Variants in CDK12 observed in about 807,000 individuals in gnomAD.
CDK12 encodes cyclin-dependent kinase 12.
In CDK12, 17 loss-of-function variants were observed where a neutral mutation model predicts 133.8. The observed-to-expected ratio is 0.13, with a 90% CI of 0.09 to 0.19. CDK12 has a LOEUF of 0.19. Among genes scored for constraint, CDK12 ranks in the 10% least tolerant of loss-of-function variants. The probability of loss-of-function intolerance (pLI) is 1.00; values close to 1 mark genes in which losing one functional copy is unlikely to be tolerated. For missense variants in CDK12, 1,508 were observed against 1,818.7 expected (o/e 0.83, Z 3.11); for synonymous variants, 694 against 683.6 (o/e 1.02, Z -0.24).
chr17:39,496,472 G>A (rs1188366691), intron 5 of CDK12, among the ~76,000 whole-genome samples: 1 of 152,092 alleles, frequency 6.6e-6, no homozygotes, highest in Admixed American at 6.6e-5. Context: ...GGCCGAGTCA[G>A]GTTGATCACC....
chr17:39,548,464 G>A (rs1254668286), upstream of CDK12, among the ~76,000 whole-genome samples: 39 of 152,322 alleles, frequency 2.6e-4, no homozygotes, highest in Admixed American at 2.5e-3. Flanking sequence ...CCAGATGGTG[G>A]AGGTGCCTGT....
intron 11 of CDK12, 93 bp from the exon 12 acceptor site, chr17:39,524,581 C>G (rs1307441756): frequency 4.6e-6 from 5 of 1,085,096 alleles, no homozygotes; most frequent in Non-Finnish European, 5.4e-6. Context: ...ACATTTCCCA[C>G]AGTCTTTGCC....
chr17:39,489,828 T>TG (rs1194242352), intron 2 of CDK12, among the ~76,000 whole-genome samples: 1 of 145,314 alleles, frequency 6.9e-6, no homozygotes, highest in Admixed American at 6.9e-5. Flanking sequence ...TTTGTAGTGA[T>TG]GGAGTCTCAC....
At chr17:39,473,497 T>G (rs974102569) in intron 2 of CDK12, among the ~76,000 whole-genome samples, 1 of 152,082 alleles carries the variant, frequency 6.6e-6, no homozygotes, top group African/African-American at 2.4e-5. Flanking sequence ...ATTTCAGCAC[T>G]CTGGAAAGCC....
At chr17:39,485,138 C>G (rs1427493104) in intron 2 of CDK12, among the ~76,000 whole-genome samples, 1 of 148,558 alleles carries the variant, frequency 6.7e-6, no homozygotes, top group Non-Finnish European at 1.5e-5. Flanking sequence ...CCACTGCAGT[C>G]CAGCCTGGGC....
chr17:39,516,982 G>C (rs1312091882), intron 9 of CDK12, among the ~76,000 whole-genome samples: 1 of 152,044 alleles, frequency 6.6e-6, no homozygotes, highest in East Asian at 1.9e-4. Flanking sequence ...ATTTTTTAAA[G>C]GTGATAAAGG....
chr17:39,465,443 A>G (rs897044402), intron 1 of CDK12, among the ~76,000 whole-genome samples: 1 of 150,966 alleles, frequency 6.6e-6, no homozygotes, highest in Non-Finnish European at 1.5e-5. Context: ...ATTTATATAC[A>G]GTAAAATGCC....
At chr17:39,492,407 CTT>C (rs1027901722) in intron 3 of CDK12, among the ~76,000 whole-genome samples, 1 of 116,700 alleles carries the variant, frequency 8.6e-6, no homozygotes. Context: ...ATTTCATTTT[CTT>C]TTTTTTTTTT....
chr17:39,477,852 C>G (rs896394959), intron 2 of CDK12, among the ~76,000 whole-genome samples: 1 of 151,978 alleles, frequency 6.6e-6, no homozygotes. Flanking sequence ...GGATTACAGG[C>G]GTGAGCCACT....
chr17:39,548,341 C>G (rs2055811191), upstream of CDK12, among the ~76,000 whole-genome samples: 1 of 152,188 alleles, frequency 6.6e-6, no homozygotes, highest in East Asian at 1.9e-4. Context: ...TTGGGAAGCC[C>G]CCTCTTTCCA....
At chr17:39,496,912 C>CTTTT (rs71147349) in intron 5 of CDK12, among the ~76,000 whole-genome samples, 6 of 87,820 alleles carry the variant, frequency 6.8e-5, no homozygotes, top group African/African-American at 9.6e-5. Flanking sequence ...TTCAGTATAT[C>CTTTT]TTTTTTTTTT....
chr17:39,564,869 G>A (rs975568861), downstream of CDK12: 3 of 152,242 alleles, frequency 2.0e-5, no homozygotes, highest in Non-Finnish European at 2.9e-5. Context: ...ACTGCAGTAC[G>A]TAGAGCATCA....
At chr17:39,501,207 C>CTTT in intron 5 of CDK12, 43 bp from the exon 6 acceptor site, 22 of 1,212,720 alleles carry the variant, frequency 1.8e-5, no homozygotes, top group Admixed American at 2.8e-5. Flanking sequence ...TTTCAGCATT[C>CTTT]TTTTTTTTTT....
At chr17:39,522,528 G>A (rs1314815721) in intron 11 of CDK12, among the ~76,000 whole-genome samples, 1 of 151,644 alleles carries the variant, frequency 6.6e-6, no homozygotes, top group Non-Finnish European at 1.5e-5. Flanking sequence ...TCCACCTCCC[G>A]GCTTCAAGCG....
intron 13 of CDK12, among the ~76,000 whole-genome samples, chr17:39,527,745 C>T (rs1321932962): frequency 6.6e-6 from 1 of 152,148 alleles, no homozygotes; most frequent in Non-Finnish European, 1.5e-5. Flanking sequence ...CGAGGTTTCA[C>T]CATGTTAGCC....
chr17:39,566,488 C>G (rs2056579502), downstream of CDK12, among the ~76,000 whole-genome samples: 1 of 152,100 alleles, frequency 6.6e-6, no homozygotes, highest in African/African-American at 2.4e-5. Flanking sequence ...GCCCTACCGA[C>G]ACCCCACCCT....
chr17:39,477,277 C>T (rs377308772), intron 2 of CDK12, among the ~76,000 whole-genome samples: 12 of 152,046 alleles, frequency 7.9e-5, no homozygotes, highest in African/African-American at 2.9e-4. Flanking sequence ...ACCCTGTTGC[C>T]CAGGCTGGAG....
chr17:39,473,746 G>C lies in CDK12; in HGVS notation c.1931+1983G>C, dbSNP rs1229169837. Among the ~76,000 whole-genome samples, 3 of 152,216 alleles carry C rather than the reference G, an allele frequency of 2.0e-5. No individual in the cohort carries two copies. In the East Asian group the frequency reaches 5.8e-4, roughly 29 times the overall value. The stretch of plus-strand genomic sequence containing the variant: ...CTAAAAATACAAAAATTAGCTGGGC[G>C]TGGTGGCGGTTGCCTATAGTCCCAG... On this transcript the variant is annotated intron_variant, in intron 2 of 13. Coordinates refer to ENST00000447079, the MANE Select transcript of CDK12 (RefSeq NM_016507.4).
At chr17:39,564,056 C>T (rs1404480174) in intron 3 of CDK12, among the ~76,000 whole-genome samples, 1 of 152,192 alleles carries the variant, frequency 6.6e-6, no homozygotes, top group African/African-American at 2.4e-5. Flanking sequence ...TCTGTACTCG[C>T]CCTTTAGAAA....
Sources: gnomAD v4.1 joint callset for allele counts (sites outside exome capture counted in the v4.1 genomes callset) on GRCh38, gnomAD v4.1.1 for gene constraint, MANE v1.5 for transcripts, NCBI Gene and HGNC (gene_info 2026-07-23, HGNC 2026-07-21) for gene names.